The following NACC2 variants were observed in gnomAD, a reference collection of about 807,000 sequenced individuals.
The protein encoded by NACC2 is nucleus accumbens-associated protein 2.
In NACC2, 8 loss-of-function variants were observed where a neutral mutation model predicts 25.1. The observed-to-expected ratio is 0.32, with a 90% CI of 0.19 to 0.57. NACC2 has a LOEUF of 0.57. Ranked by LOEUF, NACC2 falls within the 20% of genes least tolerant of loss-of-function variation. The pLI is 0.89. For synonymous variants in NACC2, 435 were observed against 294.7 expected (o/e 1.48, Z -4.88); for missense variants, 644 against 650.2 (o/e 0.99, Z 0.10).
intron 1 of NACC2, among the ~76,000 whole-genome samples, chr9:136,064,103 G>A (rs1470933286): frequency 6.6e-6 from 1 of 151,924 alleles, no homozygotes; most frequent in Non-Finnish European, 1.5e-5. Flanking sequence ...AGCCTGGACA[G>A]CACGGCAAGA....
intron 2 of NACC2, among the ~76,000 whole-genome samples, chr9:136,039,858 T>C (rs1840602278): frequency 6.6e-6 from 1 of 151,948 alleles, no homozygotes; most frequent in Non-Finnish European, 1.5e-5. Flanking sequence ...AAGAGATGTT[T>C]GCTTTCACCA....
At chr9:136,061,861 T>C (rs1231383470) in intron 1 of NACC2, among the ~76,000 whole-genome samples, 1 of 152,152 alleles carries the variant, frequency 6.6e-6, no homozygotes, top group Non-Finnish European at 1.5e-5. Flanking sequence ...GGCTCACAAC[T>C]GTAATCCCAG....
intron 1 of NACC2, among the ~76,000 whole-genome samples, chr9:136,056,050 G>A (rs1204558443): frequency 6.6e-6 from 1 of 152,042 alleles, no homozygotes; most frequent in Non-Finnish European, 1.5e-5. Context: ...GGCTCCAGGA[G>A]GATTTGCTTT....
At chr9:136,079,516 C>A (rs1830299378) in intron 1 of NACC2, among the ~76,000 whole-genome samples, 2 of 152,310 alleles carry the variant, frequency 1.3e-5, no homozygotes, top group South Asian at 4.1e-4. Context: ...CCCCTCCTCA[C>A]CCGCAGGCAT....
chr9:136,019,967 C>T lies in NACC2; in HGVS notation c.887-3538G>A, dbSNP rs1028436687. Among the ~76,000 whole-genome samples the T allele has an allele frequency of 9.7e-5, 13 of 134,626 alleles. No homozygotes were observed. The highest frequency in any genetic ancestry group is 3.2e-4 in the African/African-American group (12 of 37,082). The allele number at this position is 134,626 out of a possible 152,430, so 88.3% of individuals were successfully genotyped here. A position where few individuals can be genotyped will look rare whatever the true frequency, so the allele number is the denominator to read the frequency against. The stretch of plus-strand genomic sequence containing the variant: ...CCCAGAGTCGTCAGGTCCACAGAGG[C>T]GGGAAACAGAGGGTGGGTGCCGGGG... On this transcript the variant is annotated intron_variant, in intron 2 of 5. Coordinates refer to ENST00000277554, the MANE Select transcript of NACC2 (RefSeq NM_144653.5). This position sits in a 1 kb window ranked among gnomAD's most constrained non-coding sequence, Gnocchi z 5.2.
In NACC2 at chr9:136,013,862, A is replaced by G. The variant is rs1840153034; in HGVS notation, c.1157+2T>C. 6.2e-7 allele frequency: 1 copy of G among 1,611,726 alleles called. No homozygotes were observed. Among genetic ancestry groups the G allele is most frequent in the Admixed American group, 1.7e-5 (1 of 59,954 alleles). On this transcript the variant is annotated splice_donor_variant, in intron 4 of 5. Coordinates refer to ENST00000277554, the MANE Select transcript of NACC2 (RefSeq NM_144653.5). LOFTEE classifies it high-confidence loss of function. This position sits in a 1 kb window ranked among gnomAD's most constrained non-coding sequence, Gnocchi z 6.6. Reference sequence around the variant, plus strand: ...CCCTCCAGCACTCCTGCCCCGACCTACCTGTCAAAGAAGGTGGCCAGGAGC... The same window carrying G: ...CCCTCCAGCACTCCTGCCCCGACCTGCCTGTCAAAGAAGGTGGCCAGGAGC...
intron 2 of NACC2, among the ~76,000 whole-genome samples, chr9:136,046,778 G>C (rs1476005894): frequency 6.6e-6 from 1 of 152,232 alleles, no homozygotes; most frequent in Non-Finnish European, 1.5e-5. Flanking sequence ...GAGGGAGGGA[G>C]GAGAGGCACG....
In NACC2 at chr9:136,007,341, G is replaced by GCGCGTGCACACACACAGACACA. The variant is rs1840029150; in HGVS notation, c.*4153_*4174dup. On this transcript the variant is annotated 3_prime_UTR_variant, in exon 6 of 6. Transcript: ENST00000277554. The stretch of plus-strand genomic sequence containing the variant: ...TAAATGCTCCGGTGGTGACGTGCAC[G>GCGCGTGCACACACACAGACACA]CGCGTGCACACACACAGACACACGC... 6.5e-6 allele frequency: 1 copy of GCGCGTGCACACACACAGACACA among 152,924 alleles called. No homozygotes were observed. Among genetic ancestry groups the GCGCGTGCACACACACAGACACA allele is most frequent in the Non-Finnish European group, 1.5e-5 (1 of 67,278 alleles). 9.5% of individuals were successfully genotyped at this position (152,924 alleles called of 1,614,324 possible).
intron 2 of NACC2, among the ~76,000 whole-genome samples, chr9:136,027,112 C>T (rs1840403916): frequency 1.3e-5 from 2 of 152,166 alleles, no homozygotes; most frequent in African/African-American, 4.8e-5. Flanking sequence ...GTAGTCCCAA[C>T]TACTCGGGAG....
chr9:136,087,920 GC>G (rs1345718051), intron 1 of NACC2, among the ~76,000 whole-genome samples: 1 of 152,172 alleles, frequency 6.6e-6, no homozygotes, highest in East Asian at 1.9e-4. Flanking sequence ...GCCCAGGAAG[GC>G]CCAGTTTCCC....
At chr9:136,071,345 C>T (rs1158378652) in intron 1 of NACC2, among the ~76,000 whole-genome samples, 1 of 151,944 alleles carries the variant, frequency 6.6e-6, no homozygotes, top group Non-Finnish European at 1.5e-5. Context: ...GAGTTTGAGA[C>T]CAGCCTGGCC....
In NACC2 at chr9:136,018,185, C is replaced by A. The variant is rs147240977; in HGVS notation, c.887-1756G>T. On this transcript the variant is annotated intron_variant, in intron 2 of 5. Transcript: ENST00000277554. The surrounding 1 kb of genome is among the most constrained non-coding windows in gnomAD (Gnocchi z 4.4). ...AGGCAGGTGCACCTGGCCATGCTGTCCCTGTTCCCAGTCCCTCCATGACCC... is the reference window on the plus strand; with the variant it reads ...AGGCAGGTGCACCTGGCCATGCTGTACCTGTTCCCAGTCCCTCCATGACCC... 2.2e-3 allele frequency among the ~76,000 whole-genome samples: 333 copies of A among 152,246 alleles called. 7 individuals carry two copies. In the East Asian group the frequency reaches 0.045, roughly 21 times the overall value.
intron 2 of NACC2, among the ~76,000 whole-genome samples, chr9:136,034,139 C>T (rs1840517853): frequency 6.6e-6 from 1 of 152,082 alleles, no homozygotes; most frequent in Non-Finnish European, 1.5e-5. Context: ...ATTACAAACA[C>T]ATATAATTTA....
At chr9:136,066,185 C>T (rs1213356154) in intron 1 of NACC2, among the ~76,000 whole-genome samples, 3 of 130,818 alleles carry the variant, frequency 2.3e-5, no homozygotes, top group African/African-American at 8.5e-5. Flanking sequence ...AGAGTGAAAC[C>T]CCATCTCAAA....
At chr9:136,068,114 G>GA (rs1841108990) in intron 1 of NACC2, among the ~76,000 whole-genome samples, 1 of 152,218 alleles carries the variant, frequency 6.6e-6, no homozygotes, top group Non-Finnish European at 1.5e-5. Context: ...AGTAGTGAGA[G>GA]AATGTGAAGG....
chr9:136,074,109 C>T (rs1439112806), intron 1 of NACC2, among the ~76,000 whole-genome samples: 2 of 151,486 alleles, frequency 1.3e-5, no homozygotes, highest in African/African-American at 2.4e-5. Flanking sequence ...AGTGAGAGAC[C>T]AGGAGAGATG....
At chr9:136,093,050 G>A (rs532848692) in intron 1 of NACC2, among the ~76,000 whole-genome samples, 4 of 152,278 alleles carry the variant, frequency 2.6e-5, no homozygotes, top group South Asian at 4.1e-4. Context: ...TGCCCTGTGC[G>A]TTCCAGGGAC....
chr9:136,056,440 G>A (rs567783705), intron 1 of NACC2, among the ~76,000 whole-genome samples: 42 of 152,316 alleles, frequency 2.8e-4, no homozygotes, highest in African/African-American at 7.7e-4. Context: ...CCTCACAGTC[G>A]GGAGGCAGCG....
chr9:136,063,883 CAA>C (rs11315582), intron 1 of NACC2, among the ~76,000 whole-genome samples: 27 of 127,604 alleles, frequency 2.1e-4, no homozygotes, highest in Non-Finnish European at 3.3e-4. Context: ...GACTCCATCT[CAA>C]AAAAAAAAAA....
Sources: gnomAD v4.1 joint callset for allele counts (sites outside exome capture counted in the v4.1 genomes callset) on GRCh38, gnomAD v4.1.1 for gene constraint, Gnocchi (gnomAD v3.1) non-coding constraint, MANE v1.5 for transcripts, NCBI Gene and HGNC (gene_info 2026-07-23, HGNC 2026-07-21) for gene names.